Variants in KDM6A observed in about 807,000 individuals in gnomAD.
KDM6A encodes lysine demethylase 6A.
KDM6A carries 11 observed loss-of-function variants against 117.6 expected under a neutral mutation model. The observed-to-expected ratio is 0.09, with a 90% CI of 0.06 to 0.15. KDM6A has a LOEUF of 0.15. Among genes scored for constraint, KDM6A ranks in the 10% least tolerant of loss-of-function variants. The pLI is 1.00. For synonymous variants in KDM6A, 384 were observed against 396.1 expected (o/e 0.97, Z 0.36); for missense variants, 799 against 1,077.3 (o/e 0.74, Z 3.62).
At chrX:45,067,644 C>CTTTTTTTTTT in intron 17 of KDM6A, among the ~76,000 whole-genome samples, 1 of 90,058 alleles carries the variant, frequency 1.1e-5, no homozygotes, top group Non-Finnish European at 2.0e-5. Flanking sequence ...TGGTGTGTAT[C>CTTTTTTTTTT]TTTTTTTTGT....
intron 19 of KDM6A, among the ~76,000 whole-genome samples, chrX:45,077,087 A>G (rs1456126677): frequency 9.0e-6 from 1 of 110,526 alleles, no homozygotes; most frequent in African/African-American, 3.3e-5. Flanking sequence ...CAGCGTTAGG[A>G]AAAAGCTACC....
chrX:44,921,812 T>C (rs1157075391), intron 2 of KDM6A, among the ~76,000 whole-genome samples: 2 of 108,585 alleles, frequency 1.8e-5, no homozygotes, highest in African/African-American at 3.3e-5. Flanking sequence ...TTCCCTGGAA[T>C]GAAGGTTAAC....
chrX:44,875,737 T>C lies in KDM6A; in HGVS notation c.225+1750T>C, dbSNP rs2031459166. On this transcript the variant is annotated intron_variant, in intron 2 of 29. Transcript: ENST00000611820. ...GGGTTAATAAAATTGCTTGCAAAGA[T>C]AATTCACGTGGAAAAGTTTGGCCAA... Among the ~76,000 whole-genome samples, 3 of 111,908 alleles carry C rather than the reference T, an allele frequency of 2.7e-5. No individual in the cohort carries two copies. The South Asian group carries it at 1.1e-3, about 41-fold the overall frequency.
chrX:45,101,020 C>T (rs977964475), intron 27 of KDM6A, among the ~76,000 whole-genome samples: 2 of 110,834 alleles, frequency 1.8e-5, no homozygotes, highest in Non-Finnish European at 3.8e-5. Context: ...ATCTTATATG[C>T]ACAATGTTAA....
chrX:44,965,157 G>C (rs1332801139), intron 3 of KDM6A, among the ~76,000 whole-genome samples: 1 of 112,079 alleles, frequency 8.9e-6, no homozygotes, highest in African/African-American at 3.2e-5. Flanking sequence ...ATAGAACTAA[G>C]GAGAGAGTTA....
chrX:45,061,366 C>T lies in KDM6A; in HGVS notation c.1528C>T (p.Pro510Ser). Residue 510 changes from proline (P) to serine (S), a missense_variant, in exon 15 of 30, where the codon CCT (proline) becomes TCT (serine). Pro to Ser is a moderately conservative substitution (Grantham distance 74). This residue lies in a region of KDM6A where 301 missense variants were observed against 318.3 expected (regional missense o/e 0.95). Coordinates refer to ENST00000611820, the MANE Select transcript of KDM6A (RefSeq NM_001291415.2). ...GAGTGGTGGACATGCTGTGTCACAT[C>T]CTCCAGTACAGCAACAAGCTCATTC... ...NWSGGHAVSH[P>S]PVQQQAHSWC... The T allele has an allele frequency of 8.4e-7, 1 of 1,186,699 alleles. No individual in the cohort carries two copies. The highest frequency in any genetic ancestry group is 1.1e-6 in the Non-Finnish European group (1 of 875,530).
At chrX:45,092,970 G>A (rs2045951853) in intron 27 of KDM6A, among the ~76,000 whole-genome samples, 1 of 111,406 alleles carries the variant, frequency 9.0e-6, no homozygotes, top group Admixed American at 9.6e-5. Flanking sequence ...AAGCAAGCAG[G>A]AATGAGATCA....
intron 2 of KDM6A, among the ~76,000 whole-genome samples, chrX:44,929,213 A>G (rs141145677): frequency 0.012 from 1,230 of 102,579 alleles, 22 homozygotes; most frequent in African/African-American, 0.042. Flanking sequence ...AAGTCATTTT[A>G]CTATGTTTTA....
At chrX:44,915,045 C>T (rs1417963780) in intron 2 of KDM6A, among the ~76,000 whole-genome samples, 2 of 111,665 alleles carry the variant, frequency 1.8e-5, no homozygotes, top group Non-Finnish European at 3.8e-5. Flanking sequence ...TAGACAACTG[C>T]TTTAGTCAGT....
intron 10 of KDM6A, among the ~76,000 whole-genome samples, chrX:45,058,530 A>G (rs933963931): frequency 2.7e-5 from 3 of 111,364 alleles, no homozygotes; most frequent in African/African-American, 9.8e-5. Flanking sequence ...GAATTAAAGA[A>G]TTATTGCCCT....
intron 4 of KDM6A, among the ~76,000 whole-genome samples, chrX:45,008,427 C>T (rs2041608054): frequency 9.0e-6 from 1 of 111,226 alleles, no homozygotes; most frequent in Non-Finnish European, 1.9e-5. Context: ...CTATAGTACG[C>T]TCACTCCACC....
At chrX:45,037,744 C>T (rs1052072860) in intron 8 of KDM6A, 55 bp downstream of exon 8, 30 of 915,334 alleles carry the variant, frequency 3.3e-5, no homozygotes, top group Non-Finnish European at 4.4e-5. Context: ...ATCATTACTC[C>T]TATCATGCTT....
chrX:44,925,018 T>G (rs1426624507), intron 2 of KDM6A, among the ~76,000 whole-genome samples: 2 of 111,886 alleles, frequency 1.8e-5, no homozygotes, highest in East Asian at 2.8e-4. Flanking sequence ...ATTTTTAAAT[T>G]TTTATGGGTA....
At chrX:44,959,829 CT>C (rs1216098258) in intron 2 of KDM6A, among the ~76,000 whole-genome samples, 1 of 111,354 alleles carries the variant, frequency 9.0e-6, no homozygotes, top group Non-Finnish European at 1.9e-5. Flanking sequence ...AGCATTCAGA[CT>C]TTTTTAATTA....
At chrX:44,970,048 G>T in intron 3 of KDM6A, among the ~76,000 whole-genome samples, 1 of 112,246 alleles carries the variant, frequency 8.9e-6, no homozygotes, top group East Asian at 2.8e-4. Context: ...ACTTTGGTGA[G>T]GTGATGGGTA....
chrX:44,946,522 A>G (rs1188964737), intron 2 of KDM6A, among the ~76,000 whole-genome samples: 7 of 111,431 alleles, frequency 6.3e-5, no homozygotes, highest in Non-Finnish European at 1.3e-4. Context: ...CCTTTATACT[A>G]ATTTTTTTTT....
intron 21 of KDM6A, among the ~76,000 whole-genome samples, 161 bp downstream of exon 21, chrX:45,079,512 T>C (rs2045296797): frequency 9.1e-6 from 1 of 109,514 alleles, no homozygotes; most frequent in African/African-American, 3.3e-5. Flanking sequence ...TATGTATGTA[T>C]GTATGTATGT....
At chrX:44,876,924 T>C (rs949887538) in intron 2 of KDM6A, among the ~76,000 whole-genome samples, 1 of 111,433 alleles carries the variant, frequency 9.0e-6, no homozygotes, top group Non-Finnish European at 1.9e-5. Context: ...TACACACATA[T>C]ACATATACGC....
rs949286352 is a variant in KDM6A at position 44,997,794 on chromosome X, G to A, written c.385-13167G>A. Among the ~76,000 whole-genome samples, 14 of 112,432 alleles carry A rather than the reference G, an allele frequency of 1.2e-4. No homozygotes were observed. In the East Asian group the frequency reaches 3.9e-3, roughly 31 times the overall value. On this transcript the variant is annotated intron_variant, in intron 4 of 29. Transcript: ENST00000611820. The stretch of plus-strand genomic sequence containing the variant: ...ATACTTCTGGAAGGAAGAGGTGAAT[G>A]TTGCTTTTTAAAGGATAGACAGGAA...
Sources: allele counts gnomAD v4.1 joint callset (sites outside exome capture counted in the v4.1 genomes callset), GRCh38; gene constraint gnomAD v4.1.1; regional missense constraint gnomAD v4.1.1; transcripts MANE v1.5; gene names NCBI Gene and HGNC (gene_info 2026-07-23, HGNC 2026-07-21).